SDAD1: variants seen among roughly 807,000 people sequenced by gnomAD.
The protein encoded by SDAD1 is protein SDA1 homolog.
A neutral mutation model predicts 100.3 loss-of-function variants in SDAD1; 79 were observed. The ratio of observed to expected loss-of-function variants is 0.79; its 90% confidence interval spans 0.66 to 0.95. The LOEUF is 0.95. Among genes scored for constraint, SDAD1 ranks in the 40% least tolerant of loss-of-function variants. The probability of loss-of-function intolerance (pLI) is 0.00; values close to 1 mark genes in which losing one functional copy is unlikely to be tolerated. For synonymous variants in SDAD1, 267 were observed against 271.4 expected, an observed-to-expected ratio of 0.98 and a Z score of 0.16; for missense variants, 790 against 810.9, an observed-to-expected ratio of 0.97 and a Z score of 0.31.
At chr4:75,959,007 AGAATGGCGT>A (rs1175796873) in intron 17 of SDAD1, among the ~76,000 whole-genome samples, 4 of 142,032 alleles carry the variant, frequency 2.8e-5, no homozygotes, top group Non-Finnish European at 4.6e-5. Flanking sequence ...CTGAGGTAGG[AGAATGGCGT>A]GAACCCAGGA....
chr4:75,964,266 C>A, intron 13 of SDAD1, 55 bp from the exon 14 acceptor site: 1 of 1,183,506 alleles, frequency 8.4e-7, no homozygotes, highest in Non-Finnish European at 1.3e-6. Context: ...CATACACAAA[C>A]ACATAAGAAT....
chr4:75,954,073 G>T lies in SDAD1; in HGVS notation c.2016+1902C>A, dbSNP rs7654199. Among the ~76,000 whole-genome samples, 161 of 152,152 alleles carry T rather than the reference G, an allele frequency of 1.1e-3. 1 individual carries two copies. Among genetic ancestry groups the T allele is most frequent in the African/African-American group, 3.7e-3 (153 of 41,534 alleles). The stretch of plus-strand genomic sequence containing the variant: ...AGATATCACCACACAAAATTATTGG[G>T]TTTTGAAAAGTACCCACGCCTGGGG... On this transcript the variant is annotated intron_variant, in intron 21 of 21. Transcript: ENST00000356260.
At chr4:75,972,450 A>C (rs1040455602) in intron 8 of SDAD1, among the ~76,000 whole-genome samples, 1 of 151,530 alleles carries the variant, frequency 6.6e-6, no homozygotes, top group Non-Finnish European at 1.5e-5. Context: ...TCCTTTACAA[A>C]TATGTACATA....
intron 8 of SDAD1, among the ~76,000 whole-genome samples, chr4:75,972,070 C>T (rs1354975022): frequency 1.3e-5 from 2 of 151,626 alleles, no homozygotes; most frequent in Non-Finnish European, 2.9e-5. Context: ...TCCCAAGTAG[C>T]TGGGATTACA....
intron 8 of SDAD1, among the ~76,000 whole-genome samples, 166 bp from the exon 9 acceptor site, chr4:75,971,624 G>A (rs192017101): frequency 3.3e-4 from 50 of 152,184 alleles, no homozygotes; most frequent in Admixed American, 2.6e-3. Context: ...TAATCCCAGC[G>A]CTTTGGGAGG....
chr4:75,959,015 G>A (rs1427712055), intron 17 of SDAD1, among the ~76,000 whole-genome samples: 4 of 140,768 alleles, frequency 2.8e-5, no homozygotes, highest in South Asian at 2.3e-4. Context: ...GGAGAATGGC[G>A]TGAACCCAGG....
chr4:75,984,063 G>A (rs1730718379), intron 1 of SDAD1, among the ~76,000 whole-genome samples: 1 of 150,996 alleles, frequency 6.6e-6, no homozygotes, highest in African/African-American at 2.4e-5. Flanking sequence ...CCCATTGCTT[G>A]TTTTTGTCAG....
chr4:75,960,874 G>A (rs573570778), intron 16 of SDAD1, among the ~76,000 whole-genome samples, 154 bp downstream of exon 16: 1 of 152,322 alleles, frequency 6.6e-6, no homozygotes, highest in African/African-American at 2.4e-5. Context: ...CAGGGCCATG[G>A]TATTTGATTC....
chr4:75,952,438 T>C (rs1300324776), intron 21 of SDAD1, among the ~76,000 whole-genome samples: 1 of 152,218 alleles, frequency 6.6e-6, no homozygotes, highest in Non-Finnish European at 1.5e-5. Flanking sequence ...CCTTTTCTTC[T>C]TTTATCTTTC....
chr4:75,957,268 T>C, intron 20 of SDAD1, 57 bp downstream of exon 20: 2 of 1,453,394 alleles, frequency 1.4e-6, no homozygotes, highest in South Asian at 1.2e-5. Flanking sequence ...AGTTCTGGCT[T>C]ATGTTTCATT....
At chr4:75,965,212 A>G (rs920680102) in intron 13 of SDAD1, among the ~76,000 whole-genome samples, 13 of 152,178 alleles carry the variant, frequency 8.5e-5, no homozygotes, top group African/African-American at 2.4e-4. Context: ...TTAAGGTTGT[A>G]GATAAGGGAT....
intron 21 of SDAD1, among the ~76,000 whole-genome samples, chr4:75,953,821 C>T (rs1039004017): frequency 2.0e-5 from 3 of 152,294 alleles, no homozygotes; most frequent in Admixed American, 2.0e-4. Context: ...AGATACACTG[C>T]TACACCACAA....
intron 1 of SDAD1, among the ~76,000 whole-genome samples, chr4:75,987,953 T>G (rs192318948): frequency 6.6e-6 from 1 of 152,342 alleles, no homozygotes; most frequent in East Asian, 1.9e-4. Context: ...CTTCACTGGC[T>G]GCTTTCTCAG....
At chr4:75,981,154 G>A (rs1456079052) in intron 3 of SDAD1, among the ~76,000 whole-genome samples, 2 of 152,164 alleles carry the variant, frequency 1.3e-5, no homozygotes, top group East Asian at 1.9e-4. Flanking sequence ...AACACAGGCT[G>A]GAAGCAGATC....
intron 14 of SDAD1, among the ~76,000 whole-genome samples, chr4:75,962,649 G>A (rs183315182): frequency 2.0e-5 from 3 of 152,216 alleles, no homozygotes; most frequent in Non-Finnish European, 4.4e-5. Context: ...CTGATGGCCA[G>A]TGATGATAAG....
Position 75,975,907 on chromosome 4 carries a change from G to C in SDAD1, c.477+17C>G. The stretch of plus-strand genomic sequence containing the variant: ...ATGGTACAATGCTGCAAACATGGAA[G>C]ACAGAAGAGTACTTACTACATTCAC... On this transcript the variant is annotated intron_variant, in intron 5 of 21. Coordinates refer to ENST00000356260, the MANE Select transcript of SDAD1 (RefSeq NM_018115.4). The C allele has an allele frequency of 6.2e-7, 1 of 1,600,492 alleles. No individual in the cohort carries two copies. Among genetic ancestry groups the C allele is most frequent in the South Asian group, 1.1e-5 (1 of 90,738 alleles).
intron 14 of SDAD1, among the ~76,000 whole-genome samples, chr4:75,963,432 A>T (rs1446817728): frequency 6.6e-6 from 1 of 151,526 alleles, no homozygotes; most frequent in Non-Finnish European, 1.5e-5. Context: ...GAAGAAAGCC[A>T]CTGGTAGCTT....
chr4:75,962,688 A>T (rs1729315185), intron 14 of SDAD1, among the ~76,000 whole-genome samples: 1 of 152,230 alleles, frequency 6.6e-6, no homozygotes, highest in Admixed American at 6.5e-5. Context: ...TAGGCTACAT[A>T]AATGTCTTCT....
Position 75,980,239 on chromosome 4 carries a change from C to T in SDAD1, c.294+1133G>A, listed in dbSNP as rs1730421041. On this transcript the variant is annotated intron_variant, in intron 3 of 21. Transcript: ENST00000356260. The stretch of plus-strand genomic sequence containing the variant: ...TCCCATGTACCAGCTGAGTATCAAT[C>T]AGTTGACAACCCAGGGCCTGAAACC... Among the ~76,000 whole-genome samples, 3 of 152,150 alleles carry T rather than the reference C, an allele frequency of 2.0e-5. No individual in the cohort carries two copies. In the South Asian group the frequency reaches 6.2e-4, roughly 32 times the overall value.
Sources: gnomAD v4.1 joint callset for allele counts (sites outside exome capture counted in the v4.1 genomes callset) on GRCh38, gnomAD v4.1.1 for gene constraint, MANE v1.5 for transcripts, NCBI Gene and HGNC (gene_info 2026-07-23, HGNC 2026-07-21) for gene names.